CACNA1I: variants seen among roughly 807,000 people sequenced by gnomAD.
The protein encoded by CACNA1I is calcium voltage-gated channel subunit alpha1 I.
In CACNA1I, 74 loss-of-function variants were observed where a neutral mutation model predicts 201.6. That is an observed-to-expected ratio of 0.37 (90% CI 0.30 to 0.45). CACNA1I has a LOEUF of 0.45. Ranked by LOEUF, CACNA1I falls within the 20% of genes least tolerant of loss-of-function variation. CACNA1I has a pLI of 1.00. For missense variants in CACNA1I, 2,346 were observed against 3,138.1 expected, an observed-to-expected ratio of 0.75 and a Z score of 6.03; for synonymous variants, 1,431 against 1,345.2, an observed-to-expected ratio of 1.06 and a Z score of -1.40.
At chr22:39,602,204 T>G (rs1198828296) in intron 3 of CACNA1I, among the ~76,000 whole-genome samples, 1 of 149,712 alleles carries the variant, frequency 6.7e-6, no homozygotes, top group Non-Finnish European at 1.5e-5. Flanking sequence ...CCTGAGTAGC[T>G]GGGACTGCAG....
At chr22:39,583,205 CAT>C (rs1932635129) in intron 1 of CACNA1I, among the ~76,000 whole-genome samples, 1 of 147,926 alleles carries the variant, frequency 6.8e-6, no homozygotes, top group Non-Finnish European at 1.5e-5. Context: ...ACAATCCATC[CAT>C]CCATCCATCC....
intron 1 of CACNA1I, among the ~76,000 whole-genome samples, chr22:39,573,840 C>T (rs1013314929): frequency 3.3e-5 from 5 of 152,096 alleles, no homozygotes; most frequent in African/African-American, 1.2e-4. Context: ...GTACTGGTTT[C>T]GGGAGGAGCT....
chr22:39,635,057 A>G (rs1934171045), intron 5 of CACNA1I, among the ~76,000 whole-genome samples: 1 of 152,144 alleles, frequency 6.6e-6, no homozygotes, highest in Non-Finnish European at 1.5e-5. Context: ...AGAGAGGATT[A>G]TTGACACACA....
intron 17 of CACNA1I, 129 bp downstream of exon 17, chr22:39,662,564 A>T: frequency 1.3e-6 from 1 of 748,404 alleles, no homozygotes; most frequent in Non-Finnish European, 2.1e-6. Flanking sequence ...CGGAGCGGCT[A>T]GGGCTTCAGG....
rs1325635496 is a variant in CACNA1I, at chr22:39,659,494, G to A, written c.2392G>A (p.Val798Met). The change falls in exon 13 of 37, where the codon GTG (valine) becomes ATG (methionine). Residue 798 changes from valine (V) to methionine (M), a missense_variant. By Grantham distance (21) the Val-to-Met change is conservative. This residue lies in a region of CACNA1I where 155 missense variants were observed against 300.8 expected (regional missense o/e 0.52). Coordinates refer to ENST00000402142, the MANE Select transcript of CACNA1I (RefSeq NM_021096.4). The surrounding 1 kb of genome is among the most constrained non-coding windows in gnomAD (Gnocchi z 4.3). ...FSLRTDTGDT[V>M]PDRKNFDSLL... ...CCTCCGCACGGACACTGGAGACACG[G>A]TGCCCGACAGGAAGAACTTCGACTC... 2 of 1,589,272 alleles carry A rather than the reference G, an allele frequency of 1.3e-6. No homozygotes were observed. Among genetic ancestry groups the A allele is most frequent in the Non-Finnish European group, 1.7e-6 (2 of 1,166,894 alleles).
Position 39,659,993 on chromosome 22 carries a change from G to A in CACNA1I, c.2604+141G>A, listed in dbSNP as rs952484153. 1.9e-5 allele frequency: 17 copies of A among 881,112 alleles called. No individual in the cohort carries two copies. Among genetic ancestry groups the A allele is most frequent in the African/African-American group, 3.3e-5 (2 of 59,966 alleles). The allele number at this position is 881,112 out of a possible 1,614,324, so 54.6% of individuals were successfully genotyped here. On this transcript the variant is annotated intron_variant, in intron 14 of 36. Transcript: ENST00000402142. This position sits in a 1 kb window ranked among gnomAD's most constrained non-coding sequence, Gnocchi z 4.3. Reference sequence around the variant, plus strand: ...CCCTAAAGGAGGGGGTTGCTGATGAGGTGGTGAGCTCTTCATCATAGGAAG... The same window carrying A: ...CCCTAAAGGAGGGGGTTGCTGATGAAGTGGTGAGCTCTTCATCATAGGAAG...
chr22:39,600,215 C>T (rs772391349), intron 2 of CACNA1I, among the ~76,000 whole-genome samples: 8 of 152,232 alleles, frequency 5.3e-5, no homozygotes, highest in Admixed American at 2.0e-4. Flanking sequence ...GAATATGGGA[C>T]GGCCCCTCAC....
intron 3 of CACNA1I, among the ~76,000 whole-genome samples, chr22:39,613,015 A>G (rs1457426668): frequency 6.6e-6 from 1 of 152,186 alleles, no homozygotes; most frequent in Non-Finnish European, 1.5e-5. Context: ...CATTAGCTAC[A>G]TCTTAAATCA....
chr22:39,662,433 T>C lies in CACNA1I; in HGVS notation c.3370T>C (p.Tyr1124His). ...DRGEDEEEID[Y>H]TLCFRVRKMI... is the part of the protein sequence containing the mutation. ...CGGGGAGGATGAGGAGGAAATCGAC[T>C]ACGTGAGTGGGGGCGGGGCCGAAGG... The change falls in exon 17 of 37, where the codon TAC becomes CAC. Residue 1124 changes from tyrosine (Y) to histidine (H), a missense_variant and splice_region_variant. Tyr to His is a moderately conservative substitution (Grantham distance 83, BLOSUM62 2). Coordinates refer to ENST00000402142, the MANE Select transcript of CACNA1I (RefSeq NM_021096.4). 1.4e-6 allele frequency: 2 copies of C among 1,438,042 alleles called. No individual in the cohort carries two copies. Among genetic ancestry groups the C allele is most frequent in the Non-Finnish European group, 1.8e-6 (2 of 1,104,134 alleles). 89.1% of individuals were successfully genotyped at this position (1,438,042 alleles called of 1,614,324 possible).
intron 29 of CACNA1I, among the ~76,000 whole-genome samples, chr22:39,675,698 G>A (rs1279101740): frequency 6.6e-6 from 1 of 152,202 alleles, no homozygotes; most frequent in African/African-American, 2.4e-5. Context: ...GCCCCAAGAA[G>A]AGGGAGGAGG....
chr22:39,572,540 T>C (rs1372615863), intron 1 of CACNA1I, among the ~76,000 whole-genome samples: 1 of 152,048 alleles, frequency 6.6e-6, no homozygotes, highest in Non-Finnish European at 1.5e-5. Flanking sequence ...TGGAGTGGGA[T>C]GCAGAACTGG....
chr22:39,679,364 C>T lies in CACNA1I; in HGVS notation c.5313C>T (p.Ala1771=). The T allele has an allele frequency of 6.5e-7, 1 of 1,535,570 alleles. No individual in the cohort carries two copies. The highest frequency in any genetic ancestry group is 8.8e-7 in the Non-Finnish European group (1 of 1,142,736). Residue 1771 remains alanine (A), a synonymous_variant, in exon 32 of 37, where the codon GCC becomes GCT. Transcript: ENST00000402142. ...GGCTGCCTACCGGCTCCCCGGGCGC[C>T]CCTGGCCGAGGGCCGGGAGGGGCGG... is the stretch of plus-strand genomic sequence containing the variant. ...GPRLPTGSPG[A]PGRGPGGAGG... is the part of the protein sequence containing the mutation.
At chr22:39,645,506 C>G (rs1052233918) in intron 7 of CACNA1I, among the ~76,000 whole-genome samples, 7 of 152,124 alleles carry the variant, frequency 4.6e-5, no homozygotes, top group African/African-American at 1.7e-4. Flanking sequence ...CAGGGAGGCT[C>G]CCCAGGAAAT....
chr22:39,605,142 C>T (rs906782236), intron 3 of CACNA1I, among the ~76,000 whole-genome samples: 13 of 126,878 alleles, frequency 1.0e-4, no homozygotes, highest in African/African-American at 1.5e-4. Flanking sequence ...ATGTTCTGTT[C>T]CCCGAGTAAC....
At chr22:39,672,839 G>A in intron 27 of CACNA1I, 110 bp from the exon 28 acceptor site, 1 of 1,221,120 alleles carries the variant, frequency 8.2e-7, no homozygotes, top group South Asian at 1.6e-5. Context: ...ACAGCCTAAT[G>A]GGCCACAATA....
chr22:39,620,343 A>G (rs940643561), intron 4 of CACNA1I, among the ~76,000 whole-genome samples: 1 of 143,324 alleles, frequency 7.0e-6, no homozygotes, highest in African/African-American at 2.6e-5. Flanking sequence ...ATTCATCTGT[A>G]TAGTCAGCCA....
chr22:39,635,180 C>T (rs558442450), intron 5 of CACNA1I, among the ~76,000 whole-genome samples: 1 of 152,254 alleles, frequency 6.6e-6, no homozygotes, highest in Admixed American at 6.5e-5. Flanking sequence ...CATGTACCTG[C>T]GTGTATGTGT....
At chr22:39,681,517 C>T (rs1430773280) in intron 34 of CACNA1I, among the ~76,000 whole-genome samples, 1 of 152,198 alleles carries the variant, frequency 6.6e-6, no homozygotes, top group Non-Finnish European at 1.5e-5. Context: ...GATTTGTTCC[C>T]ACTTCACATG....
In CACNA1I at chr22:39,662,038, A is replaced by G. The variant is rs1935029037; in HGVS notation, c.2975A>G (p.Asn992Ser). The G allele has an allele frequency of 6.4e-7, 1 of 1,567,278 alleles. No homozygotes were observed. Among genetic ancestry groups the G allele is most frequent in the South Asian group, 1.2e-5 (1 of 85,970 alleles). The change falls in exon 17 of 37, where the codon AAC becomes AGC. Residue 992 changes from asparagine to serine, a missense_variant. Physicochemically the swap from Asn to Ser is conservative, Grantham distance 46 (BLOSUM62 1). Around this residue, in one of 13 missense-constraint regions of CACNA1I, gnomAD observed 288 missense variants for 255.2 expected, o/e 1.13. Transcript: ENST00000402142. ...AAWASRRSSW[N>S]SLKHKPPSAE... ...TGGGCCAGCCGTCGCTCCAGCTGGA[A>G]CAGCCTCAAGCACAAGCCGCCGTCG... is the stretch of plus-strand genomic sequence containing the variant.
Sources: allele counts gnomAD v4.1 joint callset (sites outside exome capture counted in the v4.1 genomes callset), GRCh38; gene constraint gnomAD v4.1.1; regional missense constraint gnomAD v4.1.1; non-coding constraint Gnocchi (gnomAD v3.1); transcripts MANE v1.5; gene names NCBI Gene and HGNC (gene_info 2026-07-23, HGNC 2026-07-21).